TTC7A: variants seen among roughly 807,000 people sequenced by gnomAD.
TTC7A encodes tetratricopeptide repeat protein 7A.
TTC7A carries 110 observed loss-of-function variants against 103.7 expected under a neutral mutation model. That is an observed-to-expected ratio of 1.06 (90% CI 0.91 to 1.24). The LOEUF is 1.24. Ranked by LOEUF, TTC7A falls within the 50% of genes most tolerant of loss-of-function variation. The pLI, the probability that TTC7A is intolerant of heterozygous loss-of-function variation, is 0.00. For synonymous variants in TTC7A, 521 were observed against 467.9 expected, an observed-to-expected ratio of 1.11 and a Z score of -1.47; for missense variants, 1,340 against 1,116.3, an observed-to-expected ratio of 1.20 and a Z score of -2.86.
At chr2:47,012,689 A>T (rs1407951111) in intron 11 of TTC7A, among the ~76,000 whole-genome samples, 1 of 152,166 alleles carries the variant, frequency 6.6e-6, no homozygotes, top group Admixed American at 6.5e-5. Flanking sequence ...GGGATTGGAA[A>T]CTGGCCCCAT....
chr2:46,980,158 G>A (rs905522792), intron 5 of TTC7A, among the ~76,000 whole-genome samples: 3 of 150,420 alleles, frequency 2.0e-5, no homozygotes, highest in Non-Finnish European at 4.4e-5. Flanking sequence ...GTTGCATATG[G>A]TACTTGTTTA....
chr2:46,957,296 G>C (rs1671960741), intron 3 of TTC7A, among the ~76,000 whole-genome samples: 1 of 152,228 alleles, frequency 6.6e-6, no homozygotes, highest in East Asian at 1.9e-4. Context: ...CAGTTTACTT[G>C]TTTGGAAGAT....
intron 2 of TTC7A, among the ~76,000 whole-genome samples, chr2:46,925,339 CT>C (rs1669331866): frequency 6.6e-6 from 1 of 152,132 alleles, no homozygotes; most frequent in East Asian, 1.9e-4. Flanking sequence ...GGGCGGATCA[CT>C]TGAGGTCAGG....
rs572650138 is a variant in TTC7A at position 47,055,166 on chromosome 2, A to T, written c.2152+3286A>T. 3.9e-5 allele frequency among the ~76,000 whole-genome samples: 6 copies of T among 152,208 alleles called. No homozygotes were observed. In the East Asian group the frequency reaches 1.2e-3, roughly 29 times the overall value. The stretch of plus-strand genomic sequence containing the variant: ...AGCATCCCCCCGCCAAACCCTGCCT[A>T]ATGACTCCACCAGCTGCAGCAAATT... On this transcript the variant is annotated intron_variant, in intron 18 of 19. Coordinates refer to ENST00000319190, the MANE Select transcript of TTC7A (RefSeq NM_020458.4).
chr2:46,964,395 G>A (rs909235774), intron 3 of TTC7A, among the ~76,000 whole-genome samples: 3 of 152,142 alleles, frequency 2.0e-5, no homozygotes, highest in East Asian at 3.9e-4. Flanking sequence ...GGCCAGGTGG[G>A]CCCCATGAGA....
At chr2:47,003,329 C>G (rs1435398584) in intron 8 of TTC7A, among the ~76,000 whole-genome samples, 1 of 152,000 alleles carries the variant, frequency 6.6e-6, no homozygotes, top group East Asian at 1.9e-4. Flanking sequence ...CCTGACCTCT[C>G]CTGGTGAGAT....
chr2:46,994,246 C>T lies in TTC7A; in HGVS notation c.844-111C>T, dbSNP rs989246347. ...GGGTTGGGGAGTTTACCCAAAGGGC[C>T]GCACATTGCAAGCGGGGCAGATTTA... is the stretch of plus-strand genomic sequence containing the variant. On this transcript the variant is annotated intron_variant, in intron 6 of 19. Coordinates refer to ENST00000319190, the MANE Select transcript of TTC7A (RefSeq NM_020458.4). 88 of 1,338,974 alleles carry T rather than the reference C, an allele frequency of 6.6e-5. No homozygotes were observed. The African/African-American group carries it at 1.2e-3, about 18-fold the overall frequency. 82.9% of individuals were successfully genotyped at this position (1,338,974 alleles called of 1,614,324 possible).
At chr2:46,967,703 A>G (rs1348725293) in intron 3 of TTC7A, among the ~76,000 whole-genome samples, 3 of 152,186 alleles carry the variant, frequency 2.0e-5, no homozygotes, top group African/African-American at 7.2e-5. Flanking sequence ...ACTATTGTGA[A>G]TAATGCTGCT....
intron 2 of TTC7A, among the ~76,000 whole-genome samples, chr2:46,929,350 G>T (rs1398182854): frequency 6.6e-6 from 1 of 152,062 alleles, no homozygotes; most frequent in Admixed American, 6.6e-5. Context: ...ACCTGGCTGT[G>T]GTGGTACACA....
chr2:47,005,063 C>G (rs1043923072), intron 8 of TTC7A, among the ~76,000 whole-genome samples: 12 of 152,202 alleles, frequency 7.9e-5, no homozygotes, highest in Non-Finnish European at 1.3e-4. Context: ...CTCCTACCGC[C>G]ACCCCCAGCA....
intron 8 of TTC7A, among the ~76,000 whole-genome samples, chr2:47,003,789 G>A (rs928735720): frequency 5.3e-5 from 8 of 152,296 alleles, no homozygotes; most frequent in South Asian, 2.1e-4. Context: ...CTGTGCCCCC[G>A]TCCTCTCACA....
intron 18 of TTC7A, among the ~76,000 whole-genome samples, chr2:47,055,624 A>G (rs1683249678): frequency 6.6e-6 from 1 of 152,118 alleles, no homozygotes; most frequent in African/African-American, 2.4e-5. Flanking sequence ...AGTGGGCCAG[A>G]GCAGGAGACG....
intron 2 of TTC7A, among the ~76,000 whole-genome samples, chr2:46,927,326 A>G (rs1669438135): frequency 1.3e-5 from 2 of 151,990 alleles, no homozygotes; most frequent in African/African-American, 4.8e-5. Flanking sequence ...CCAAAGAAAA[A>G]TAATATTAAA....
intron 18 of TTC7A, among the ~76,000 whole-genome samples, chr2:47,053,388 T>C (rs1184205371): frequency 2.0e-5 from 3 of 152,184 alleles, no homozygotes; most frequent in Non-Finnish European, 2.9e-5. Flanking sequence ...TTCGCACCCA[T>C]GATGGGGGCT....
chr2:46,979,436 C>T (rs2104273909), intron 5 of TTC7A, among the ~76,000 whole-genome samples: 1 of 152,234 alleles, frequency 6.6e-6, no homozygotes, highest in African/African-American at 2.4e-5. Flanking sequence ...GTGGCTGTCC[C>T]TGCTGACGAA....
chr2:46,991,055 G>C lies in TTC7A; in HGVS notation c.765-2395G>C, dbSNP rs140552847. Among the ~76,000 whole-genome samples the C allele has an allele frequency of 2.4e-3, 366 of 152,264 alleles. 3 individuals carry two copies. The highest frequency in any genetic ancestry group is 8.5e-3 in the African/African-American group (355 of 41,564). ...AGCTTCCCGAATAGCTGGGACTACA[G>C]GCACGGGCGCCACCACAGCCTAGTT... On this transcript the variant is annotated intron_variant, in intron 5 of 19. Coordinates refer to ENST00000319190, the MANE Select transcript of TTC7A (RefSeq NM_020458.4).
chr2:47,065,243 C>T (rs1350577713), intron 19 of TTC7A, among the ~76,000 whole-genome samples: 1 of 152,130 alleles, frequency 6.6e-6, no homozygotes, highest in Admixed American at 6.5e-5. Context: ...GCCAAGATCA[C>T]GCCACTGCAC....
rs1342087193 is a variant in TTC7A at position 47,006,691 on chromosome 2, C to T, written c.1254C>T (p.Tyr418=). 2 of 1,614,100 alleles carry T rather than the reference C, an allele frequency of 1.2e-6. No homozygotes were observed. The highest frequency in any genetic ancestry group is 1.7e-6 in the Non-Finnish European group (2 of 1,179,940). The change falls in exon 10 of 20, where the codon TAC becomes TAT. Residue 418 remains tyrosine, a synonymous_variant. Coordinates refer to ENST00000319190, the MANE Select transcript of TTC7A (RefSeq NM_020458.4). ...CGTTTGGAGAATTTCACCTTTGGTACCAGGTGGCCCTCTCCATGGTGGCTT... is the reference window on the plus strand; with the variant it reads ...CGTTTGGAGAATTTCACCTTTGGTATCAGGTGGCCCTCTCCATGGTGGCTT... ...KFAFGEFHLW[Y]QVALSMVACG... is the part of the protein sequence containing the mutation.
At chr2:46,962,060 C>T (rs1672430553) in intron 3 of TTC7A, among the ~76,000 whole-genome samples, 1 of 152,220 alleles carries the variant, frequency 6.6e-6, no homozygotes, top group South Asian at 2.1e-4. Flanking sequence ...TTCCAAGCCT[C>T]TTGAGTACAG....
Sources: gnomAD v4.1 joint callset for allele counts (sites outside exome capture counted in the v4.1 genomes callset) on GRCh38, gnomAD v4.1.1 for gene constraint, MANE v1.5 for transcripts, NCBI Gene and HGNC (gene_info 2026-07-23, HGNC 2026-07-21) for gene names.